The following LRRC69 variants were observed in gnomAD, a reference collection of about 807,000 sequenced individuals.
LRRC69 encodes leucine rich repeat containing 69.
A neutral mutation model predicts 37.8 loss-of-function variants in LRRC69; 42 were observed. The observed-to-expected ratio is 1.11, with a 90% CI of 0.87 to 1.44. The LOEUF is 1.44. LRRC69 is among the 40% of genes most tolerant of loss of function. The probability of loss-of-function intolerance (pLI) is 0.00; values close to 1 mark genes in which losing one functional copy is unlikely to be tolerated. For synonymous variants in LRRC69, 141 were observed against 143.1 expected (o/e 0.99, Z 0.11); for missense variants, 357 against 401.9 (o/e 0.89, Z 0.96).
At chr8:91,106,763 A>G (rs895179664) in intron 1 of LRRC69, among the ~76,000 whole-genome samples, 2 of 151,794 alleles carry the variant, frequency 1.3e-5, no homozygotes, top group Non-Finnish European at 2.9e-5. Context: ...TGAACACTAC[A>G]TGCATTGTCC....
chr8:91,165,835 G>A (rs1324447999), intron 5 of LRRC69, among the ~76,000 whole-genome samples: 1 of 151,782 alleles, frequency 6.6e-6, no homozygotes, highest in African/African-American at 2.4e-5. Context: ...GATTCCTGCA[G>A]ATAACAGCTA....
At chr8:91,115,603 A>C (rs1813497484) in intron 1 of LRRC69, among the ~76,000 whole-genome samples, 1 of 151,990 alleles carries the variant, frequency 6.6e-6, no homozygotes, top group African/African-American at 2.4e-5. Flanking sequence ...GTATGCAGGA[A>C]TATTTCTTTA....
At chr8:91,127,868 A>C (rs572274384) in intron 3 of LRRC69, among the ~76,000 whole-genome samples, 1 of 152,050 alleles carries the variant, frequency 6.6e-6, no homozygotes, top group Non-Finnish European at 1.5e-5. Flanking sequence ...AACTTTGAAC[A>C]GTCCTCAACA....
chr8:91,159,193 T>G (rs898247078), intron 5 of LRRC69, among the ~76,000 whole-genome samples: 2 of 151,152 alleles, frequency 1.3e-5, no homozygotes, highest in East Asian at 1.9e-4. Flanking sequence ...GGGCAAGGTA[T>G]GAGGGAAGGA....
chr8:91,165,678 T>C (rs1045731084), intron 5 of LRRC69, among the ~76,000 whole-genome samples: 1 of 151,758 alleles, frequency 6.6e-6, no homozygotes, highest in African/African-American at 2.4e-5. Context: ...AGACATGCAG[T>C]TAATGGGTTT....
At position 91,125,191 on chromosome 8, in the gene LRRC69, A is replaced by G. The variant is rs139608646; in HGVS notation, c.310+572A>G. ...ACAAATGTATGACAAAGAGATCTAC[A>G]TGGCTTTTATAGCTTTATCAACTAA... On this transcript the variant is annotated intron_variant, in intron 2 of 7. Coordinates refer to ENST00000448384, the Ensembl canonical transcript of LRRC69. Among the ~76,000 whole-genome samples the G allele has an allele frequency of 2.6e-5, 4 of 151,972 alleles. 1 individual carries two copies. The highest frequency in any genetic ancestry group is 1.3e-4 in the Admixed American group (2 of 15,210).
At chr8:91,139,812 G>A (rs1196950510) in intron 5 of LRRC69, among the ~76,000 whole-genome samples, 2 of 151,700 alleles carry the variant, frequency 1.3e-5, no homozygotes, top group African/African-American at 2.4e-5. Context: ...CATCTGGCCA[G>A]GCGCGGTGGC....
At chr8:91,149,555 C>A (rs1330062349) in intron 5 of LRRC69, among the ~76,000 whole-genome samples, 1 of 151,918 alleles carries the variant, frequency 6.6e-6, no homozygotes, top group Non-Finnish European at 1.5e-5. Context: ...TTTGGATCGA[C>A]TTGGCACTGT....
intron 5 of LRRC69, among the ~76,000 whole-genome samples, chr8:91,182,657 T>C (rs1042892394): frequency 2.0e-5 from 3 of 152,200 alleles, no homozygotes; most frequent in Non-Finnish European, 2.9e-5. Flanking sequence ...CTAGTAAGTA[T>C]GGAGCTGAAA....
At chr8:91,171,204 C>CATTTTTA (rs1378250756) in intron 5 of LRRC69, among the ~76,000 whole-genome samples, 7 of 151,934 alleles carry the variant, frequency 4.6e-5, no homozygotes, top group Non-Finnish European at 7.4e-5. Context: ...TGTTTCTCAA[C>CATTTTTA]CATTTTTACA....
chr8:91,106,621 A>G (rs1182748774), intron 1 of LRRC69, among the ~76,000 whole-genome samples: 1 of 152,036 alleles, frequency 6.6e-6, no homozygotes, highest in African/African-American at 2.4e-5. Context: ...CAGTAAATAT[A>G]AAATGAGGTC....
intron 5 of LRRC69, among the ~76,000 whole-genome samples, chr8:91,177,011 GT>G (rs1156774004): frequency 6.6e-6 from 1 of 152,058 alleles, no homozygotes; most frequent in Non-Finnish European, 1.5e-5. Flanking sequence ...CTAATGTTTA[GT>G]TAACTGTGTG....
In LRRC69 at chr8:91,176,134, A is replaced by ATATATATATTTTTTTTTT; in HGVS notation, c.652-13387_652-13386insATATATATTTTTTTTTTT. ...ATCCCTCATATATATATATATATAT[A>ATATATATATTTTTTTTTT]TTTTTTTTTTTTCTTTTTTTTGAGA... On this transcript the variant is annotated intron_variant, in intron 5 of 7. Coordinates refer to ENST00000448384, the Ensembl canonical transcript of LRRC69. 2.6e-3 allele frequency among the ~76,000 whole-genome samples: 198 copies of ATATATATATTTTTTTTTT among 75,630 alleles called. 4 individuals are homozygous for ATATATATATTTTTTTTTT. Among genetic ancestry groups the ATATATATATTTTTTTTTT allele is most frequent in the African/African-American group, 3.5e-3 (58 of 16,416 alleles). The allele number at this position is 75,630 out of a possible 152,430, so 49.6% of individuals were successfully genotyped here.
At chr8:91,214,834 G>T (rs1810009924) in intron 7 of LRRC69, among the ~76,000 whole-genome samples, 2 of 150,562 alleles carry the variant, frequency 1.3e-5, no homozygotes, top group Non-Finnish European at 3.0e-5. Flanking sequence ...CAGTCAAGTA[G>T]ATCAGAAATT....
At chr8:91,147,732 G>A (rs1426664870) in intron 5 of LRRC69, among the ~76,000 whole-genome samples, 1 of 151,610 alleles carries the variant, frequency 6.6e-6, no homozygotes, top group Non-Finnish European at 1.5e-5. Context: ...AGGTTCTGGG[G>A]TACATGTGCA....
chr8:91,112,937 T>C (rs1172525095), intron 1 of LRRC69, among the ~76,000 whole-genome samples: 1 of 151,930 alleles, frequency 6.6e-6, no homozygotes, highest in Non-Finnish European at 1.5e-5. Flanking sequence ...AGGAATAAAG[T>C]ATCTGAAAAG....
intron 5 of LRRC69, among the ~76,000 whole-genome samples, chr8:91,155,664 A>G (rs551022539): frequency 1.3e-5 from 2 of 150,672 alleles, no homozygotes; most frequent in African/African-American, 2.4e-5. Flanking sequence ...CCAGCCTCTA[A>G]TAACCACTAT....
intron 2 of LRRC69, among the ~76,000 whole-genome samples, chr8:91,125,306 G>A (rs1813698655): frequency 6.6e-6 from 1 of 151,670 alleles, no homozygotes; most frequent in Non-Finnish European, 1.5e-5. Flanking sequence ...GAACTTTTGA[G>A]GCATGGGTGC....
rs1199342239 is a variant in LRRC69 at position 91,178,651 on chromosome 8, C to T, written c.652-10871C>T. Reference sequence around the variant, plus strand: ...AAAAATGTTTGCAAAATGGTATCCTCTGATGTAAGTCTTTACATTTCAAGG... The same window carrying T: ...AAAAATGTTTGCAAAATGGTATCCTTTGATGTAAGTCTTTACATTTCAAGG... On this transcript the variant is annotated intron_variant, in intron 5 of 7. Transcript: ENST00000448384. 2.0e-5 allele frequency among the ~76,000 whole-genome samples: 3 copies of T among 152,212 alleles called. No homozygotes were observed. In the East Asian group the frequency reaches 5.8e-4, roughly 29 times the overall value.
Sources: gnomAD v4.1 joint callset for allele counts (sites outside exome capture counted in the v4.1 genomes callset) on GRCh38, gnomAD v4.1.1 for gene constraint, MANE v1.5 for transcripts, NCBI Gene and HGNC (gene_info 2026-07-23, HGNC 2026-07-21) for gene names.